ABL1: variants seen among roughly 807,000 people sequenced by gnomAD.
The protein encoded by ABL1 is tyrosine-protein kinase ABL1.
In ABL1, 11 loss-of-function variants were observed where a neutral mutation model predicts 94.7. That is an observed-to-expected ratio of 0.12 (90% confidence interval 0.07 to 0.19). The LOEUF (loss-of-function observed/expected upper bound fraction) is 0.19. ABL1 is among the 10% of genes least tolerant of loss of function. The pLI, the probability that ABL1 is intolerant of heterozygous loss-of-function variation, is 1.00. For synonymous variants in ABL1, 656 were observed against 622.4 expected, an observed-to-expected ratio of 1.05 and a Z score of -0.80; for missense variants, 1,082 against 1,489.4, an observed-to-expected ratio of 0.73 and a Z score of 4.50.
rs1294594700 is a variant in ABL1, at chr9:130,862,210, T to C, written c.550-553T>C. The stretch of plus-strand genomic sequence containing the variant: ...CATGTGTTAATTTAATCAACAGTTA[T>C]TTATTGAGTACTTATTACATGTTGA... On this transcript the variant is annotated intron_variant, in intron 3 of 10. Coordinates refer to ENST00000318560, the MANE Select transcript of ABL1 (RefSeq NM_005157.6). This position sits in a 1 kb window ranked among gnomAD's most constrained non-coding sequence, Gnocchi z 5.5. Among the ~76,000 whole-genome samples, 1 of 152,254 alleles carries C rather than the reference T, an allele frequency of 6.6e-6. No individual in the cohort carries two copies. Among genetic ancestry groups the C allele is most frequent in the Non-Finnish European group, 1.5e-5 (1 of 68,048 alleles).
intron 1 of ABL1, among the ~76,000 whole-genome samples, chr9:130,844,702 G>A (rs905004732): frequency 1.3e-5 from 2 of 152,162 alleles, no homozygotes; most frequent in African/African-American, 4.8e-5. Context: ...TCAGGAGGTT[G>A]AGGCAGGAGA....
intron 1 of ABL1, among the ~76,000 whole-genome samples, chr9:130,805,303 C>G (rs956858037): frequency 2.0e-4 from 31 of 152,202 alleles, no homozygotes; most frequent in Non-Finnish European, 2.8e-4. Flanking sequence ...TGGTCTCGAA[C>G]TCCTGACCTC....
chr9:130,850,696 G>A (rs189058719), intron 1 of ABL1, among the ~76,000 whole-genome samples: 59 of 151,950 alleles, frequency 3.9e-4, no homozygotes, highest in Middle Eastern at 3.4e-3. Flanking sequence ...TAGTAGAGAC[G>A]GGGTTTCGCT....
At chr9:130,719,720 T>G (rs1489965954) in intron 1 of ABL1, among the ~76,000 whole-genome samples, 2 of 152,196 alleles carry the variant, frequency 1.3e-5, no homozygotes, top group Admixed American at 1.3e-4. Flanking sequence ...TTTGCGATCT[T>G]TCATAGGCTG....
chr9:130,809,369 A>T (rs1830172172), intron 1 of ABL1, among the ~76,000 whole-genome samples: 1 of 144,932 alleles, frequency 6.9e-6, no homozygotes, highest in African/African-American at 2.6e-5. Flanking sequence ...GAGTTGTATT[A>T]GTGAAGGTTC....
At chr9:130,741,275 G>A (rs1318414688) in intron 1 of ABL1, among the ~76,000 whole-genome samples, 1 of 152,160 alleles carries the variant, frequency 6.6e-6, no homozygotes, top group Non-Finnish European at 1.5e-5. Context: ...CGAGGGAGAG[G>A]AGCAGGAATA....
chr9:130,740,557 T>C (rs1265714756), intron 1 of ABL1, among the ~76,000 whole-genome samples: 4 of 152,238 alleles, frequency 2.6e-5, no homozygotes, highest in Non-Finnish European at 5.9e-5. Context: ...TGTTATTATC[T>C]CACCACCTTA....
At chr9:130,758,305 C>T (rs1014821641) in intron 1 of ABL1, among the ~76,000 whole-genome samples, 3 of 151,954 alleles carry the variant, frequency 2.0e-5, no homozygotes, top group South Asian at 2.1e-4. Flanking sequence ...GGATTACAGG[C>T]GTGTACTACC....
Position 130,872,731 on chromosome 9 carries a change from C to T in ABL1, c.908-129C>T. The T allele has an allele frequency of 1.1e-6, 1 of 882,000 alleles. No homozygotes were observed. The highest frequency in any genetic ancestry group is 1.7e-6 in the Non-Finnish European group (1 of 581,146). 54.6% of individuals were successfully genotyped at this position (882,000 alleles called of 1,614,324 possible). On this transcript the variant is annotated intron_variant, in intron 5 of 10. Coordinates refer to ENST00000318560, the MANE Select transcript of ABL1 (RefSeq NM_005157.6). The surrounding 1 kb of genome is among the most constrained non-coding windows in gnomAD (Gnocchi z 5.0). ...AGTCTCAGGATGCAGGTGCTTGGGA[C>T]CATGTTGGAAGTTGGGCCCAGGACT...
Position 130,854,814 on chromosome 9 carries a change from G to A in ABL1, c.267G>A (p.Arg89=), listed in dbSNP as rs370776549. The A allele has an allele frequency of 2.3e-5, 37 of 1,613,676 alleles. No individual in the cohort carries two copies. In the East Asian group the frequency reaches 2.7e-4, roughly 12 times the overall value. ...TLSITKGEKL[R]VLGYNHNGEW... ...CTTTCTTCTCAGGTGAAAAGCTCCGGGTCTTAGGCTATAATCACAATGGGG... is the reference window on the plus strand; with the variant it reads ...CTTTCTTCTCAGGTGAAAAGCTCCGAGTCTTAGGCTATAATCACAATGGGG... Residue 89 remains arginine, a synonymous_variant, in exon 3 of 11, where the codon CGG becomes CGA. Coordinates refer to ENST00000318560, the MANE Select transcript of ABL1 (RefSeq NM_005157.6).
chr9:130,772,317 A>G (rs889759392), intron 1 of ABL1, among the ~76,000 whole-genome samples: 5 of 152,254 alleles, frequency 3.3e-5, no homozygotes, highest in South Asian at 2.1e-4. Context: ...ATGCTTATCA[A>G]TTCCCTTGCC....
chr9:130,805,816 G>C (rs1830117276), intron 1 of ABL1, among the ~76,000 whole-genome samples: 1 of 152,154 alleles, frequency 6.6e-6, no homozygotes, highest in South Asian at 2.1e-4. Flanking sequence ...GGATGAAGGG[G>C]GAAGCCCTTC....
intron 6 of ABL1, 151 bp downstream of exon 6, chr9:130,873,188 C>A: frequency 1.2e-6 from 1 of 857,486 alleles, no homozygotes; most frequent in Non-Finnish European, 1.7e-6. Flanking sequence ...AAGGCAAACA[C>A]TAGGCTCCTG....
At chr9:130,875,867 G>T (rs980670818) in intron 7 of ABL1, among the ~76,000 whole-genome samples, 11 of 151,698 alleles carry the variant, frequency 7.3e-5, no homozygotes, top group African/African-American at 2.7e-4. Context: ...CGCTCTTGTT[G>T]CCCAGGCTGG....
intron 1 of ABL1, among the ~76,000 whole-genome samples, chr9:130,842,879 A>G (rs112680919): frequency 6.6e-6 from 1 of 152,206 alleles, no homozygotes; most frequent in Non-Finnish European, 1.5e-5. Context: ...CGGCGAGCTC[A>G]CTGTGGTGTC....
intron 1 of ABL1, among the ~76,000 whole-genome samples, chr9:130,764,048 G>C (rs528969515): frequency 2.4e-4 from 36 of 152,288 alleles, no homozygotes; most frequent in African/African-American, 8.4e-4. Flanking sequence ...CTGAGTGGGC[G>C]TTTGGGAGGT....
At chr9:130,799,442 C>G (rs754472248) in intron 1 of ABL1, among the ~76,000 whole-genome samples, 1 of 152,164 alleles carries the variant, frequency 6.6e-6, no homozygotes, top group Non-Finnish European at 1.5e-5. Context: ...CATGGAAAGT[C>G]TTCATGTACT....
intron 1 of ABL1, among the ~76,000 whole-genome samples, chr9:130,818,560 C>G (rs1170228280): frequency 1.3e-5 from 2 of 152,190 alleles, no homozygotes; most frequent in Non-Finnish European, 2.9e-5. Flanking sequence ...TCACCTAACT[C>G]AAGTTTACAA....
intron 1 of ABL1, among the ~76,000 whole-genome samples, chr9:130,770,051 C>G (rs1379649195): frequency 1.3e-5 from 2 of 152,160 alleles, no homozygotes; most frequent in African/African-American, 4.8e-5. Flanking sequence ...GTAGTATTCT[C>G]TTGCATAGAT....
Sources: gnomAD v4.1 joint callset for allele counts (sites outside exome capture counted in the v4.1 genomes callset) on GRCh38, gnomAD v4.1.1 for gene constraint, Gnocchi (gnomAD v3.1) non-coding constraint, MANE v1.5 for transcripts, NCBI Gene and HGNC (gene_info 2026-07-23, HGNC 2026-07-21) for gene names.